Variants in PITPNM3 observed in about 807,000 individuals in gnomAD.
PITPNM3 encodes the protein membrane-associated phosphatidylinositol transfer protein 3.
In PITPNM3, 26 loss-of-function variants were observed where a neutral mutation model predicts 102.0. The ratio of observed to expected loss-of-function variants is 0.25; its 90% CI spans 0.19 to 0.35. The LOEUF is 0.35. PITPNM3 is among the 10% of genes least tolerant of loss of function. The probability of loss-of-function intolerance (pLI) is 1.00; values close to 1 mark genes in which losing one functional copy is unlikely to be tolerated. For synonymous variants in PITPNM3, 578 were observed against 558.6 expected (o/e 1.03, Z -0.49); for missense variants, 1,083 against 1,346.1 (o/e 0.80, Z 3.06).
chr17:6,476,240 G>A lies in PITPNM3; in HGVS notation c.1085+789C>T, dbSNP rs9891223. ...AACAATGAGACTGTTGGCTCCCTCT[G>A]GGTGGTGAGATGATTATCTTCCAAA... On this transcript the variant is annotated intron_variant, in intron 9 of 19. Transcript: ENST00000262483. Among the ~76,000 whole-genome samples the A allele has an allele frequency of 3.9e-3, 586 of 152,174 alleles. 4 individuals are homozygous for A. Among genetic ancestry groups the A allele is most frequent in the African/African-American group, 0.013 (559 of 41,524 alleles).
rs1280261275 is a variant in PITPNM3, at chr17:6,478,381, C to G, written c.777+166G>C. ...ACTCAGACTGTTGGCCTCTGTTTTTCTATCTGTAAAATGAGGGCTAACTCA... is the reference window on the plus strand; with the variant it reads ...ACTCAGACTGTTGGCCTCTGTTTTTGTATCTGTAAAATGAGGGCTAACTCA... On this transcript the variant is annotated intron_variant, in intron 7 of 19. Coordinates refer to ENST00000262483, the MANE Select transcript of PITPNM3 (RefSeq NM_031220.4). The surrounding 1 kb of genome is among the most constrained non-coding windows in gnomAD (Gnocchi z 4.4). Among the ~76,000 whole-genome samples the G allele has an allele frequency of 6.6e-6, 1 of 152,242 alleles. No homozygotes were observed. Among genetic ancestry groups the G allele is most frequent in the African/African-American group, 2.4e-5 (1 of 41,462 alleles).
Position 6,457,385 on chromosome 17 carries a change from C to T in PITPNM3, c.2619+209G>A, listed in dbSNP as rs1319751386. On this transcript the variant is annotated intron_variant, in intron 19 of 19. Coordinates refer to ENST00000262483, the MANE Select transcript of PITPNM3 (RefSeq NM_031220.4). The surrounding 1 kb of genome is among the most constrained non-coding windows in gnomAD (Gnocchi z 4.7). ...TCCATCTCGCCACTACACTGAAGTTCATTGCATCTGGCTCCACTTGGGATT... is the reference window on the plus strand; with the variant it reads ...TCCATCTCGCCACTACACTGAAGTTTATTGCATCTGGCTCCACTTGGGATT... 6.6e-6 allele frequency among the ~76,000 whole-genome samples: 1 copy of T among 152,260 alleles called. No individual in the cohort carries two copies. The highest frequency in any genetic ancestry group is 1.5e-5 in the Non-Finnish European group (1 of 68,052).
intron 1 of PITPNM3, among the ~76,000 whole-genome samples, chr17:6,555,720 C>T (rs953902278): frequency 6.6e-6 from 1 of 152,186 alleles, no homozygotes; most frequent in African/African-American, 2.4e-5. Context: ...GATGAATGAA[C>T]GAATGACTAA....
intron 1 of PITPNM3, among the ~76,000 whole-genome samples, chr17:6,549,198 C>T (rs1411314497): frequency 2.0e-5 from 3 of 152,150 alleles, no homozygotes; most frequent in Non-Finnish European, 2.9e-5. Context: ...TGCAACCCCC[C>T]GCAGCCCCTT....
At chr17:6,471,068 G>T in intron 12 of PITPNM3, 93 bp downstream of exon 12, 1 of 1,448,604 alleles carries the variant, frequency 6.9e-7, no homozygotes, top group Non-Finnish European at 9.5e-7. Flanking sequence ...CCCAGGGCCT[G>T]CCCTCAGCAG....
At chr17:6,497,652 C>G (rs958912748) in intron 4 of PITPNM3, among the ~76,000 whole-genome samples, 1 of 152,208 alleles carries the variant, frequency 6.6e-6, no homozygotes, top group Non-Finnish European at 1.5e-5. Flanking sequence ...CCTCCCCGCA[C>G]GTGGGACAGC....
In PITPNM3 at chr17:6,455,553, G is replaced by A. The variant is rs1335595019; in HGVS notation, c.2710C>T (p.Arg904Cys). 6 of 1,603,210 alleles carry A rather than the reference G, an allele frequency of 3.7e-6. No homozygotes were observed. The highest frequency in any genetic ancestry group is 3.3e-5 in the South Asian group (3 of 90,982). The change falls in exon 20 of 20, where the codon CGC (arginine) becomes TGC (cysteine). Residue 904 changes from arginine to cysteine, a missense_variant. Arg to Cys is a radical substitution (Grantham distance 180). Coordinates refer to ENST00000262483, the MANE Select transcript of PITPNM3 (RefSeq NM_031220.4). ...PKKNNSRMIL[R>C]KGSFGLHAQP... ...GCGTGCAGCCCGAAGCTGCCCTTGC[G>A]CAGGATCATGCGCGAGTTGTTCTTC...
chr17:6,482,066 GTCTC>G (rs146498369), intron 6 of PITPNM3, among the ~76,000 whole-genome samples: 60 of 47,862 alleles, frequency 1.3e-3, no homozygotes, highest in East Asian at 5.6e-3. Context: ...CTCTCTCTCT[GTCTC>G]TCTCTCTCTC....
chr17:6,473,812 A>T (rs1188545437), intron 10 of PITPNM3, among the ~76,000 whole-genome samples: 1 of 151,916 alleles, frequency 6.6e-6, no homozygotes, highest in Non-Finnish European at 1.5e-5. Flanking sequence ...CTCCATCTCT[A>T]CCAAAAATAC....
chr17:6,478,259 C>A lies in PITPNM3; in HGVS notation c.778-162G>T, dbSNP rs150835012. On this transcript the variant is annotated intron_variant, in intron 7 of 19. Transcript: ENST00000262483. The surrounding 1 kb of genome is among the most constrained non-coding windows in gnomAD (Gnocchi z 4.4). ...AAGCAGTGTGCAAACTGGGGAGGGTCAGGGTTGGCGTTGGCCCAGGCCAGC... is the reference window on the plus strand; with the variant it reads ...AAGCAGTGTGCAAACTGGGGAGGGTAAGGGTTGGCGTTGGCCCAGGCCAGC... Among the ~76,000 whole-genome samples, 1,020 of 152,338 alleles carry A rather than the reference C, an allele frequency of 6.7e-3. 16 individuals carry two copies. Among genetic ancestry groups the A allele is most frequent in the African/African-American group, 0.021 (861 of 41,586 alleles).
At chr17:6,507,018 A>T (rs1276265730) in intron 3 of PITPNM3, among the ~76,000 whole-genome samples, 2 of 152,140 alleles carry the variant, frequency 1.3e-5, no homozygotes, top group South Asian at 4.1e-4. Flanking sequence ...CAGGGTGGGG[A>T]CAGCTGCCTC....
intron 2 of PITPNM3, among the ~76,000 whole-genome samples, chr17:6,527,111 T>C (rs1254589350): frequency 6.6e-6 from 1 of 150,908 alleles, no homozygotes; most frequent in Non-Finnish European, 1.5e-5. Context: ...TAAACAACAA[T>C]AACGACTCAG....
chr17:6,463,974 T>G, intron 16 of PITPNM3, 93 bp from the exon 17 acceptor site: 1 of 1,575,058 alleles, frequency 6.3e-7, no homozygotes, highest in Non-Finnish European at 8.6e-7. Flanking sequence ...CAGAGCTCAG[T>G]CTGGGTCAAG....
At chr17:6,496,432 C>T (rs1906825985) in intron 4 of PITPNM3, among the ~76,000 whole-genome samples, 2 of 152,084 alleles carry the variant, frequency 1.3e-5, no homozygotes, top group South Asian at 4.2e-4. Flanking sequence ...GCAAATGTTC[C>T]CCGGGCCTGG....
At chr17:6,456,777 T>G (rs1914136035) in intron 19 of PITPNM3, among the ~76,000 whole-genome samples, 1 of 152,106 alleles carries the variant, frequency 6.6e-6, no homozygotes, top group African/African-American at 2.4e-5. Flanking sequence ...ATTCCAATAG[T>G]GGCACCTCCT....
intron 3 of PITPNM3, among the ~76,000 whole-genome samples, chr17:6,515,397 C>CAAA (rs61420968): frequency 6.5e-4 from 53 of 82,108 alleles, no homozygotes; most frequent in South Asian, 8.2e-4. Context: ...GACTCCATCT[C>CAAA]AAAAAAAAAA....
chr17:6,454,851 CA>C lies in PITPNM3; in HGVS notation c.*486del. ...CATCTTGCCATAAGAGCGCCAACCC[CA>C]AAATGGTGACCCAAACCACAGGAAG... On this transcript the variant is annotated 3_prime_UTR_variant, in exon 20 of 20. Coordinates refer to ENST00000262483, the MANE Select transcript of PITPNM3 (RefSeq NM_031220.4). 6.1e-6 allele frequency: 1 copy of C among 162,986 alleles called. No homozygotes were observed. The highest frequency in any genetic ancestry group is 1.3e-5 in the Non-Finnish European group (1 of 75,420). 10.1% of individuals were successfully genotyped at this position (162,986 alleles called of 1,614,324 possible).
chr17:6,477,890 C>G lies in PITPNM3; in HGVS notation c.900+85G>C, dbSNP rs181113917. Reference sequence around the variant, plus strand: ...TGTGACCTGGATGTCATGGTGCCAACGTGAAGAACCAGCACTCTCTCCCCG... The same window carrying G: ...TGTGACCTGGATGTCATGGTGCCAAGGTGAAGAACCAGCACTCTCTCCCCG... On this transcript the variant is annotated intron_variant, in intron 8 of 19. Coordinates refer to ENST00000262483, the MANE Select transcript of PITPNM3 (RefSeq NM_031220.4). 4 of 1,591,054 alleles carry G rather than the reference C, an allele frequency of 2.5e-6. No homozygotes were observed. In the African/African-American group the frequency reaches 4.0e-5, roughly 16 times the overall value.
In PITPNM3 at chr17:6,470,131, T is replaced by C; in HGVS notation, c.1773+129A>G. Reference sequence around the variant, plus strand: ...CACTCACGTAGGTGCTCCAATGCCTTCCTCATGCTCTTAGGATCAAGGCCA... The same window carrying C: ...CACTCACGTAGGTGCTCCAATGCCTCCCTCATGCTCTTAGGATCAAGGCCA... On this transcript the variant is annotated intron_variant, in intron 13 of 19. Coordinates refer to ENST00000262483, the MANE Select transcript of PITPNM3 (RefSeq NM_031220.4). The surrounding 1 kb of genome is among the most constrained non-coding windows in gnomAD (Gnocchi z 4.8). The C allele has an allele frequency of 9.0e-7, 1 of 1,111,812 alleles. No homozygotes were observed. The highest frequency in any genetic ancestry group is 1.3e-6 in the Non-Finnish European group (1 of 763,904). 68.9% of individuals were successfully genotyped at this position (1,111,812 alleles called of 1,614,324 possible).
Sources: gnomAD v4.1 joint callset for allele counts (sites outside exome capture counted in the v4.1 genomes callset) on GRCh38, gnomAD v4.1.1 for gene constraint, Gnocchi (gnomAD v3.1) non-coding constraint, MANE v1.5 for transcripts, NCBI Gene and HGNC (gene_info 2026-07-23, HGNC 2026-07-21) for gene names.